Variants in AXDND1 observed in about 807,000 individuals in gnomAD.
The protein encoded by AXDND1 is axonemal dynein light chain domain-containing protein 1.
A neutral mutation model predicts 137.5 loss-of-function variants in AXDND1; 110 were observed. The observed-to-expected ratio is 0.80, with a 90% CI of 0.69 to 0.94. The LOEUF is 0.94. Ranked by LOEUF, AXDND1 falls within the 40% of genes least tolerant of loss-of-function variation. The pLI, the probability that AXDND1 is intolerant of heterozygous loss-of-function variation, is 0.00. For synonymous variants in AXDND1, 414 were observed against 399.7 expected (o/e 1.04, Z -0.43); for missense variants, 1,191 against 1,169.8 (o/e 1.02, Z -0.26).
rs1379971364 is a variant in AXDND1, at chr1:179,488,656, TTTCTTTCTTTC to T, written c.2092-2879_2092-2869del. Among the ~76,000 whole-genome samples the T allele has an allele frequency of 9.9e-5, 11 of 111,488 alleles. 1 individual carries two copies. The highest frequency in any genetic ancestry group is 1.9e-4 in the Non-Finnish European group (10 of 54,006). The allele number at this position is 111,488 out of a possible 152,430, so 73.1% of individuals were successfully genotyped here. ...TCTCCTTTCTTTCTTTCTTTCTTTC[TTTCTTTCTTTC>T]TTTCTTTCTTTCTTTCTTTCTTTCT... On this transcript the variant is annotated intron_variant, in intron 18 of 25. Coordinates refer to ENST00000367618, the MANE Select transcript of AXDND1 (RefSeq NM_144696.6).
intron 21 of AXDND1, among the ~76,000 whole-genome samples, chr1:179,514,374 G>C (rs1404064796): frequency 6.6e-6 from 1 of 151,980 alleles, no homozygotes; most frequent in African/African-American, 2.4e-5. Flanking sequence ...GTATTTGCAT[G>C]GTCTTGAAGG....
chr1:179,550,110 G>A (rs1673059628), intron 25 of AXDND1, among the ~76,000 whole-genome samples: 1 of 152,094 alleles, frequency 6.6e-6, no homozygotes, highest in Non-Finnish European at 1.5e-5. Flanking sequence ...AGATTTGCCT[G>A]TTCCTTTGGC....
At chr1:179,552,705 T>G (rs1450346304) in intron 25 of AXDND1, 2 of 1,592,364 alleles carry the variant, frequency 1.3e-6, no homozygotes, top group Admixed American at 1.7e-5. Flanking sequence ...AATGCAGGTA[T>G]GTAGGTGTGC....
intron 12 of AXDND1, among the ~76,000 whole-genome samples, chr1:179,420,639 CTT>C (rs113126689): frequency 1.4e-5 from 2 of 142,366 alleles, no homozygotes; most frequent in Admixed American, 7.0e-5. Context: ...TGAGGTTTTC[CTT>C]TTTTTTTTTT....
intron 22 of AXDND1, among the ~76,000 whole-genome samples, chr1:179,528,009 T>C (rs1263739416): frequency 6.6e-6 from 1 of 152,216 alleles, no homozygotes; most frequent in Non-Finnish European, 1.5e-5. Context: ...GAGCACACTT[T>C]TATGCTAACA....
intron 23 of AXDND1, 146 bp from the exon 24 acceptor site, chr1:179,533,649 T>A: frequency 2.2e-6 from 1 of 463,596 alleles, no homozygotes; most frequent in Non-Finnish European, 3.8e-6. Context: ...TTTTTTGGTA[T>A]TAAGGGTGTG....
At chr1:179,418,973 C>T (rs2125255979) in intron 12 of AXDND1, among the ~76,000 whole-genome samples, 1 of 151,894 alleles carries the variant, frequency 6.6e-6, no homozygotes, top group East Asian at 2.0e-4. Flanking sequence ...CCTCACATCC[C>T]AGACGAGGCG....
At chr1:179,420,694 C>T (rs1337867612) in intron 12 of AXDND1, among the ~76,000 whole-genome samples, 3 of 150,700 alleles carry the variant, frequency 2.0e-5, no homozygotes, top group African/African-American at 7.3e-5. Context: ...ACAGTCTTGG[C>T]TCACTGCAAC....
chr1:179,378,786 C>T (rs751609015), intron 5 of AXDND1, 29 bp downstream of exon 5: 2 of 1,449,630 alleles, frequency 1.4e-6, no homozygotes, highest in Admixed American at 4.4e-5. Context: ...AAATAATCTT[C>T]TCTCCCTCTG....
chr1:179,514,298 T>G (rs541898421), intron 21 of AXDND1, among the ~76,000 whole-genome samples: 53 of 152,316 alleles, frequency 3.5e-4, no homozygotes, highest in Non-Finnish European at 6.5e-4. Context: ...CAAAGAATTT[T>G]TAATTTCCGT....
chr1:179,418,384 T>C (rs1032223433), intron 12 of AXDND1, among the ~76,000 whole-genome samples: 1 of 152,224 alleles, frequency 6.6e-6, no homozygotes, highest in Non-Finnish European at 1.5e-5. Context: ...CTCCCATGTC[T>C]ACTTCTTTCT....
intron 8 of AXDND1, among the ~76,000 whole-genome samples, chr1:179,384,373 T>C (rs79992940): frequency 0.034 from 5,124 of 152,308 alleles, 120 homozygotes; most frequent in Middle Eastern, 0.095. Flanking sequence ...CATTCTCTTA[T>C]ATATCCATAA....
chr1:179,422,269 A>C (rs796418776), intron 12 of AXDND1, among the ~76,000 whole-genome samples: 1 of 20,906 alleles, frequency 4.8e-5, no homozygotes, highest in Admixed American at 6.0e-4. Context: ...TATAACAATA[A>C]ATTATAAACT....
intron 24 of AXDND1, 52 bp from the exon 25 acceptor site, chr1:179,534,678 A>C (rs767134582): frequency 2.6e-6 from 4 of 1,523,452 alleles, no homozygotes; most frequent in Non-Finnish European, 3.5e-6. Flanking sequence ...TTCGAAATCA[A>C]AAATACTTTT....
intron 17 of AXDND1, among the ~76,000 whole-genome samples, chr1:179,475,497 T>C (rs868829330): frequency 6.6e-6 from 1 of 152,258 alleles, no homozygotes; most frequent in South Asian, 2.1e-4. Flanking sequence ...TAAGATTTAA[T>C]GACTGGCCTA....
chr1:179,397,883 C>A (rs1238448502), intron 11 of AXDND1, among the ~76,000 whole-genome samples: 3 of 152,134 alleles, frequency 2.0e-5, no homozygotes, highest in Admixed American at 6.6e-5. Context: ...TCTGTCAGCT[C>A]CTTTATCATT....
At chr1:179,491,498 T>C (rs893282179) in intron 18 of AXDND1, 40 bp from the exon 19 acceptor site, 2 of 1,362,196 alleles carry the variant, frequency 1.5e-6, no homozygotes, top group Non-Finnish European at 2.1e-6. Context: ...GTTTGATTTA[T>C]TTAAAGTGGG....
In AXDND1 at chr1:179,386,112, C is replaced by T. The variant is rs375331513; in HGVS notation, c.863+753C>T. Among the ~76,000 whole-genome samples, 102 of 134,508 alleles carry T rather than the reference C, an allele frequency of 7.6e-4. 1 individual carries two copies. The highest frequency in any genetic ancestry group is 2.3e-4 in the East Asian group (1 of 4,362). The allele number at this position is 134,508 out of a possible 152,430, so 88.2% of individuals were successfully genotyped here. ...TGTCGCCCAGGCTGGAGTGCAATGGCGCGATCTCGGCTCACTGCAACTTCT... is the reference window on the plus strand; with the variant it reads ...TGTCGCCCAGGCTGGAGTGCAATGGTGCGATCTCGGCTCACTGCAACTTCT... On this transcript the variant is annotated intron_variant, in intron 9 of 25. Transcript: ENST00000367618.
In AXDND1 at chr1:179,551,360, C is replaced by A. The variant is rs776859868; in HGVS notation, c.3032-3152C>A. The A allele has an allele frequency of 6.2e-7, 1 of 1,614,054 alleles. No individual in the cohort carries two copies. Among genetic ancestry groups the A allele is most frequent in the Non-Finnish European group, 8.5e-7 (1 of 1,179,988 alleles). Reference sequence around the variant, plus strand: ...CAGAGACTGAAGGGTGTGGAGGTATCGAAGCTGAACGGCAGCAGGGGTGCC... The same window carrying A: ...CAGAGACTGAAGGGTGTGGAGGTATAGAAGCTGAACGGCAGCAGGGGTGCC... On this transcript the variant is annotated intron_variant, in intron 25 of 25. Coordinates refer to ENST00000367618, the MANE Select transcript of AXDND1 (RefSeq NM_144696.6).
Sources: gnomAD v4.1 joint callset for allele counts (sites outside exome capture counted in the v4.1 genomes callset) on GRCh38, gnomAD v4.1.1 for gene constraint, MANE v1.5 for transcripts, NCBI Gene and HGNC (gene_info 2026-07-23, HGNC 2026-07-21) for gene names.